The following CAMK1 variants were observed in gnomAD, a reference collection of about 807,000 sequenced individuals.
The protein encoded by CAMK1 is calcium/calmodulin dependent protein kinase I.
In CAMK1, 39 loss-of-function variants were observed where a neutral mutation model predicts 49.1. The ratio of observed to expected loss-of-function variants is 0.79; its 90% confidence interval spans 0.62 to 1.04. The LOEUF is 1.04. CAMK1 is among the 50% of genes least tolerant of loss of function. The probability of loss-of-function intolerance (pLI) is 0.00; values close to 1 mark genes in which losing one functional copy is unlikely to be tolerated. For missense variants in CAMK1, 457 were observed against 472.2 expected, an observed-to-expected ratio of 0.97 and a Z score of 0.30; for synonymous variants, 192 against 185.2, an observed-to-expected ratio of 1.04 and a Z score of -0.30.
At chr3:9,759,433 G>A in intron 10 of CAMK1, 55 bp downstream of exon 10, 2 of 1,611,836 alleles carry the variant, frequency 1.2e-6, no homozygotes, top group Non-Finnish European at 1.7e-6. Flanking sequence ...AGCCTGGGTA[G>A]GGATGGGGAG....
chr3:9,764,464 C>T (rs1301171945), intron 3 of CAMK1, among the ~76,000 whole-genome samples: 2 of 152,082 alleles, frequency 1.3e-5, no homozygotes, highest in Non-Finnish European at 2.9e-5. Context: ...AGGCATGCGC[C>T]ACCATGTCCA....
intron 8 of CAMK1, 37 bp downstream of exon 8, chr3:9,760,619 G>A (rs772693575): frequency 2.5e-6 from 4 of 1,610,326 alleles, no homozygotes; most frequent in Non-Finnish European, 3.4e-6. Context: ...AGGAACCAGA[G>A]GCAGGGCCCA....
intron 5 of CAMK1, chr3:9,762,068 T>C: frequency 3.8e-6 from 1 of 259,980 alleles, no homozygotes; most frequent in South Asian, 5.0e-5. Flanking sequence ...TCCTCACTGC[T>C]TCCCTGCTAG....
chr3:9,758,763 G>C (rs1261255503), intron 10 of CAMK1: 1 of 203,924 alleles, frequency 4.9e-6, no homozygotes, highest in African/African-American at 2.4e-5. Context: ...CCAAGTAGCT[G>C]GGATTACAGG....
At chr3:9,766,366 T>C (rs1056507900) in intron 2 of CAMK1, 1 of 638,902 alleles carries the variant, frequency 1.6e-6, no homozygotes, top group South Asian at 1.6e-5. Context: ...CATCCCTTTT[T>C]CTGCTAATTC....
chr3:9,761,966 T>A, intron 5 of CAMK1: 1 of 623,962 alleles, frequency 1.6e-6, no homozygotes, highest in South Asian at 2.0e-5. Context: ...GGGAACTGTC[T>A]CTAAACCTCA....
intron 10 of CAMK1, chr3:9,759,287 G>T (rs1559694503): frequency 6.2e-7 from 1 of 1,610,514 alleles, no homozygotes; most frequent in Non-Finnish European, 8.5e-7. Flanking sequence ...AGACTTGGAG[G>T]TGAGGGACCC....
At position 9,757,666 on chromosome 3, in the gene CAMK1, C is replaced by G; in HGVS notation, c.1031-45G>C. The G allele has an allele frequency of 1.9e-6, 3 of 1,614,076 alleles. No homozygotes were observed. Among genetic ancestry groups the G allele is most frequent in the Non-Finnish European group, 2.5e-6 (3 of 1,179,994 alleles). ...AGAGGTGGCCGCAGGGGCAGGCCCT[C>G]CACTCCAGCCCGGGTGCACCTTTGT... On this transcript the variant is annotated intron_variant, in intron 11 of 11. Coordinates refer to ENST00000256460, the MANE Select transcript of CAMK1 (RefSeq NM_003656.5). The surrounding 1 kb of genome is among the most constrained non-coding windows in gnomAD (Gnocchi z 4.5).
intron 3 of CAMK1, 88 bp downstream of exon 3, chr3:9,765,670 TA>T: frequency 4.8e-6 from 7 of 1,464,294 alleles, no homozygotes; most frequent in Non-Finnish European, 5.6e-6. Flanking sequence ...TTAGAGAGTT[TA>T]AATGATTTGT....
In CAMK1 at chr3:9,765,805, C is replaced by G. The variant is rs1238271621; in HGVS notation, c.169G>C (p.Glu57Gln). Residue 57 changes from glutamate (E) to glutamine (Q), a missense_variant, in exon 3 of 12, where the codon GAG (glutamate) becomes CAG (glutamine). Glu to Gln is a conservative substitution (Grantham distance 29, BLOSUM62 2). Transcript: ENST00000256460. ...AIKCIAKEAL[E>Q]GKEGSMENEI... is the part of the protein sequence containing the mutation. Reference sequence around the variant, plus strand: ...TTCTCCATGCTGCCTTCCTTGCCCTCCAGGGCCTCCTTGGCAATGCATTTG... The same window carrying G: ...TTCTCCATGCTGCCTTCCTTGCCCTGCAGGGCCTCCTTGGCAATGCATTTG... 2 of 1,613,950 alleles carry G rather than the reference C, an allele frequency of 1.2e-6. No individual in the cohort carries two copies. Among genetic ancestry groups the G allele is most frequent in the Admixed American group, 1.7e-5 (1 of 60,000 alleles).
rs148290004 is a variant in CAMK1, at chr3:9,762,716, G to T, written c.429+198C>A. The stretch of plus-strand genomic sequence containing the variant: ...AGACAAAATGTTGTTTGGATAAAAT[G>T]CCACACAATTCACTCGTGTTCCTTT... On this transcript the variant is annotated intron_variant, in intron 5 of 11. Coordinates refer to ENST00000256460, the MANE Select transcript of CAMK1 (RefSeq NM_003656.5). 5.1e-4 allele frequency among the ~76,000 whole-genome samples: 77 copies of T among 152,084 alleles called. No individual in the cohort carries two copies. The East Asian group carries it at 0.014, about 27-fold the overall frequency.
At chr3:9,759,915 C>T (rs1204411341) in intron 8 of CAMK1, 165 bp from the exon 9 acceptor site, 28 of 1,087,936 alleles carry the variant, frequency 2.6e-5, no homozygotes, top group Non-Finnish European at 3.3e-5. Context: ...GGCCCTCCCA[C>T]CCCGTGCCTT....
intron 2 of CAMK1, chr3:9,766,741 C>A (rs574577090): frequency 1.7e-6 from 1 of 600,832 alleles, no homozygotes; most frequent in Non-Finnish European, 2.1e-6. Context: ...CAAAGAAAAG[C>A]ATCTCTCGTG....
In CAMK1 at chr3:9,762,998, C is replaced by T. The variant is rs1299122003; in HGVS notation, c.345G>A (p.Glu115=). 2 of 1,614,166 alleles carry T rather than the reference C, an allele frequency of 1.2e-6. No individual in the cohort carries two copies. Among genetic ancestry groups the T allele is most frequent in the South Asian group, 2.2e-5 (2 of 91,080 alleles). ...DRIVEKGFYT[E]RDASRLIFQV... is the part of the protein sequence containing the mutation. The stretch of plus-strand genomic sequence containing the variant: ...GGAAGATGAGGCGGCTGGCGTCCCG[C>T]TCCGTGTAGAAGCCTTTTTCCACAA... Residue 115 remains glutamate, a synonymous_variant, in exon 5 of 12, where the codon GAG becomes GAA. Coordinates refer to ENST00000256460, the MANE Select transcript of CAMK1 (RefSeq NM_003656.5).
intron 3 of CAMK1, among the ~76,000 whole-genome samples, chr3:9,764,629 T>G (rs1435334972): frequency 4.4e-3 from 114 of 25,732 alleles, no homozygotes; most frequent in South Asian, 8.6e-3. Flanking sequence ...TTTTTTTTTG[T>G]TTTTTTTTTT....
intron 7 of CAMK1, chr3:9,761,251 T>C (rs1383289771): frequency 1.9e-6 from 1 of 538,576 alleles, no homozygotes; most frequent in Non-Finnish European, 3.2e-6. Flanking sequence ...TTGTCTGGTT[T>C]GTGCTGTGCT....
intron 7 of CAMK1, 153 bp downstream of exon 7, chr3:9,761,308 C>G: frequency 1.3e-6 from 1 of 747,814 alleles, no homozygotes; most frequent in South Asian, 1.9e-5. Context: ...AACATAGTAT[C>G]TATTGAATGA....
chr3:9,761,353 A>G, intron 7 of CAMK1, 108 bp downstream of exon 7: 1 of 1,094,832 alleles, frequency 9.1e-7, no homozygotes, highest in South Asian at 1.5e-5. Context: ...GAAGGAAGGG[A>G]GGGAGGGAAG....
At position 9,767,761 on chromosome 3, in the gene CAMK1, C is replaced by T; in HGVS notation, c.-12G>A. ...ACTGCCCCCAGCATGGCCCACTGCC[C>T]CCCGACCACAGCCAGGGCTCCTGTA... On this transcript the variant is annotated 5_prime_UTR_variant, in exon 2 of 12. Transcript: ENST00000256460. 1.9e-6 allele frequency: 3 copies of T among 1,613,828 alleles called. No individual in the cohort carries two copies. The highest frequency in any genetic ancestry group is 2.2e-5 in the East Asian group (1 of 44,876).
Sources: gnomAD v4.1 joint callset for allele counts (sites outside exome capture counted in the v4.1 genomes callset) on GRCh38, gnomAD v4.1.1 for gene constraint, Gnocchi (gnomAD v3.1) non-coding constraint, MANE v1.5 for transcripts, NCBI Gene and HGNC (gene_info 2026-07-23, HGNC 2026-07-21) for gene names.